CPSF2: variants seen among roughly 807,000 people sequenced by gnomAD.
CPSF2 encodes cleavage and polyadenylation specific factor 2, also known as cleavage and polyadenylation specificity factor subunit 2.
Under a neutral mutation model 84.2 loss-of-function variants are expected in CPSF2, and 51 were observed. The ratio of observed to expected loss-of-function variants is 0.61; its 90% confidence interval spans 0.48 to 0.77. The LOEUF is 0.77. CPSF2 is among the 30% of genes least tolerant of loss of function. The pLI is 0.00. For synonymous variants in CPSF2, 286 were observed against 311.9 expected (o/e 0.92, Z 0.87); for missense variants, 641 against 929.4 (o/e 0.69, Z 4.03).
intron 6 of CPSF2, among the ~76,000 whole-genome samples, chr14:92,137,916 T>A (rs975008036): frequency 6.6e-6 from 1 of 152,124 alleles, no homozygotes; most frequent in African/African-American, 2.4e-5. Context: ...CATATGTATA[T>A]CAGTACTTAC....
In CPSF2 at chr14:92,163,492, G is replaced by A. The variant is rs1479740270; in HGVS notation, c.*1748G>A. The A allele has an allele frequency of 6.6e-6, 1 of 152,466 alleles. No individual in the cohort carries two copies. Among genetic ancestry groups the A allele is most frequent in the Non-Finnish European group, 1.5e-5 (1 of 68,036 alleles). 9.4% of individuals were successfully genotyped at this position (152,466 alleles called of 1,614,324 possible). A position where few individuals can be genotyped will look rare whatever the true frequency, so the allele number is the denominator to read the frequency against. On this transcript the variant is annotated 3_prime_UTR_variant, in exon 16 of 16. Coordinates refer to ENST00000298875, the MANE Select transcript of CPSF2 (RefSeq NM_017437.3). ...CCCTATAATGCTATTTATATTCCAG[G>A]GGAACGAAAATCTGAATTTGTTTTA...
intron 14 of CPSF2, among the ~76,000 whole-genome samples, chr14:92,159,825 TA>T (rs1258679400): frequency 6.6e-6 from 1 of 152,168 alleles, no homozygotes; most frequent in African/African-American, 2.4e-5. Context: ...GCAAATCTTT[TA>T]AGGTACATAA....
chr14:92,133,301 C>G (rs1207900193), intron 3 of CPSF2, among the ~76,000 whole-genome samples: 1 of 151,694 alleles, frequency 6.6e-6, no homozygotes, highest in Non-Finnish European at 1.5e-5. Flanking sequence ...TGCCTGTAAT[C>G]CCAGCTACTC....
chr14:92,146,853 A>G (rs559960859), intron 9 of CPSF2, among the ~76,000 whole-genome samples: 5 of 152,250 alleles, frequency 3.3e-5, no homozygotes, highest in South Asian at 4.1e-4. Flanking sequence ...TCTATGCCCT[A>G]CGGTGCATCA....
chr14:92,134,702 T>C (rs527770265), intron 5 of CPSF2, among the ~76,000 whole-genome samples: 2 of 152,288 alleles, frequency 1.3e-5, no homozygotes, highest in East Asian at 3.9e-4. Context: ...CTAAATGTAG[T>C]GATTGGGGTA....
intron 7 of CPSF2, among the ~76,000 whole-genome samples, chr14:92,140,863 A>C (rs1198207402): frequency 6.6e-6 from 1 of 151,926 alleles, no homozygotes; most frequent in Non-Finnish European, 1.5e-5. Flanking sequence ...GCAGTGAGCT[A>C]TGATCACACC....
intron 9 of CPSF2, among the ~76,000 whole-genome samples, chr14:92,147,386 A>G (rs2069157095): frequency 6.6e-6 from 1 of 152,236 alleles, no homozygotes; most frequent in Admixed American, 6.5e-5. Context: ...TTTGGATTAG[A>G]AAAAGGAGTA....
rs1267272459 is a variant in CPSF2 at position 92,155,296 on chromosome 14, A to G, written c.1415A>G (p.Lys472Arg). 4 of 1,614,096 alleles carry G rather than the reference A, an allele frequency of 2.5e-6. No homozygotes were observed. The highest frequency in any genetic ancestry group is 1.1e-5 in the South Asian group (1 of 91,088). The change falls in exon 11 of 16, where the codon AAA becomes AGA. Residue 472 changes from lysine to arginine, a missense_variant. By Grantham distance (26) the Lys-to-Arg change is conservative. Around this residue, in one of 2 missense-constraint regions of CPSF2, gnomAD observed 430 missense variants for 553.6 expected, o/e 0.78. Transcript: ENST00000298875. ...PMFPAPEERI[K>R]WDEYGEIIKP... The stretch of plus-strand genomic sequence containing the variant: ...TTTCCTGCCCCAGAAGAAAGAATTA[A>G]ATGGGATGAATATGGAGAGATTATC...
intron 1 of CPSF2, among the ~76,000 whole-genome samples, chr14:92,124,143 G>A (rs2068815904): frequency 1.3e-5 from 2 of 152,228 alleles, no homozygotes; most frequent in African/African-American, 4.8e-5. Context: ...TTTAGTGCAC[G>A]AGTGATTGGT....
At chr14:92,135,338 A>C in intron 5 of CPSF2, 29 bp from the exon 6 acceptor site, 2 of 1,571,420 alleles carry the variant, frequency 1.3e-6, no homozygotes, top group Non-Finnish European at 1.7e-6. Context: ...TGTAAAAGAA[A>C]TCTGAGTATT....
At chr14:92,136,781 T>C (rs1170989816) in intron 6 of CPSF2, among the ~76,000 whole-genome samples, 1 of 152,218 alleles carries the variant, frequency 6.6e-6, no homozygotes, top group East Asian at 1.9e-4. Flanking sequence ...AGCATGGCTA[T>C]TTGAGTAAAT....
At position 92,168,421 on chromosome 14, in the gene CPSF2, A is replaced by G. The variant is rs915695196; in HGVS notation, c.*6677A>G. On this transcript the variant is annotated 3_prime_UTR_variant, in exon 16 of 16. Coordinates refer to ENST00000298875, the MANE Select transcript of CPSF2 (RefSeq NM_017437.3). ...TACCAAAAATTACCAAAATTTAAAA[A>G]CCCAGGGCTTTGCTGGAAGTGAGGG... The G allele has an allele frequency of 3.3e-5, 5 of 151,838 alleles. No individual in the cohort carries two copies. Among genetic ancestry groups the G allele is most frequent in the Non-Finnish European group, 5.9e-5 (4 of 67,964 alleles). 9.4% of individuals were successfully genotyped at this position (151,838 alleles called of 1,614,324 possible). A position where few individuals can be genotyped will look rare whatever the true frequency, so the allele number is the denominator to read the frequency against.
At chr14:92,148,880 G>A (rs578037386) in intron 9 of CPSF2, among the ~76,000 whole-genome samples, 33 of 152,034 alleles carry the variant, frequency 2.2e-4, no homozygotes, top group Middle Eastern at 6.8e-3. Context: ...TTTCACTTGA[G>A]TCCTTCTTGA....
chr14:92,138,722 G>A (rs1042449434), intron 7 of CPSF2, among the ~76,000 whole-genome samples: 14 of 152,228 alleles, frequency 9.2e-5, no homozygotes, highest in Admixed American at 2.6e-4. Flanking sequence ...GAGCCACCAC[G>A]CCCGGCCACA....
intron 13 of CPSF2, among the ~76,000 whole-genome samples, chr14:92,158,467 A>C (rs1298669135): frequency 6.6e-6 from 1 of 152,234 alleles, no homozygotes; most frequent in Non-Finnish European, 1.5e-5. Context: ...CATACCAGGC[A>C]GGAAATTTAT....
Position 92,143,442 on chromosome 14 carries a change from G to GC in CPSF2, c.1140+149dup. On this transcript the variant is annotated intron_variant, in intron 9 of 15. Transcript: ENST00000298875. Reference sequence around the variant, plus strand: ...TTGAGAGCCAGGAGTGGTGGTGTGTGCTGTAGTGCCAGCTACTCGGGAGGC... The same window carrying GC: ...TTGAGAGCCAGGAGTGGTGGTGTGTGCCTGTAGTGCCAGCTACTCGGGAGGC... The GC allele has an allele frequency of 4.6e-6, 3 of 648,996 alleles. No homozygotes were observed. In the East Asian group the frequency reaches 8.4e-5, roughly 18 times the overall value. The allele number at this position is 648,996 out of a possible 1,614,324, so 40.2% of individuals were successfully genotyped here. A position where few individuals can be genotyped will look rare whatever the true frequency, so the allele number is the denominator to read the frequency against.
rs2069401735 is a variant in CPSF2 at position 92,163,433 on chromosome 14, T to C, written c.*1689T>C. Reference sequence around the variant, plus strand: ...TTTTCTTTTTAGTGCTTTGGAAAAATTTCACTTAAACTCTTATTACTGTAT... The same window carrying C: ...TTTTCTTTTTAGTGCTTTGGAAAAACTTCACTTAAACTCTTATTACTGTAT... On this transcript the variant is annotated 3_prime_UTR_variant, in exon 16 of 16. Transcript: ENST00000298875. 6.6e-6 allele frequency: 1 copy of C among 152,622 alleles called. No homozygotes were observed. Among genetic ancestry groups the C allele is most frequent in the Non-Finnish European group, 1.5e-5 (1 of 68,038 alleles). 9.5% of individuals were successfully genotyped at this position (152,622 alleles called of 1,614,324 possible). A position where few individuals can be genotyped will look rare whatever the true frequency, so the allele number is the denominator to read the frequency against.
Position 92,143,028 on chromosome 14 carries a change from A to T in CPSF2, c.874A>T (p.Met292Leu). ...GGTAGAATGGATGAGTGATAAATTG[A>T]TGAGATGTTTTGAAGACAAAAGAAA... is the stretch of plus-strand genomic sequence containing the variant. ...SQVEWMSDKL[M>L]RCFEDKRNNP... Residue 292 changes from methionine to leucine, a missense_variant, in exon 9 of 16, where the codon ATG becomes TTG. Physicochemically the swap from Met to Leu is conservative, Grantham distance 15. This residue lies in a region of CPSF2 where 211 missense variants were observed against 375.7 expected (regional missense o/e 0.56). Transcript: ENST00000298875. The T allele has an allele frequency of 6.2e-7, 1 of 1,613,162 alleles. No individual in the cohort carries two copies.
At chr14:92,161,585 C>A in intron 15 of CPSF2, 67 bp from the exon 16 acceptor site, 1 of 1,067,110 alleles carries the variant, frequency 9.4e-7, no homozygotes. Flanking sequence ...TCATATATTT[C>A]GGTTATTATG....
Sources: allele counts gnomAD v4.1 joint callset (sites outside exome capture counted in the v4.1 genomes callset), GRCh38; gene constraint gnomAD v4.1.1; regional missense constraint gnomAD v4.1.1; transcripts MANE v1.5; gene names NCBI Gene and HGNC (gene_info 2026-07-23, HGNC 2026-07-21).